The following PCSK2 variants were observed in gnomAD, a reference collection of about 807,000 sequenced individuals.
The protein encoded by PCSK2 is neuroendocrine convertase 2.
A neutral mutation model predicts 69.7 loss-of-function variants in PCSK2; 14 were observed. That is an observed-to-expected ratio of 0.20 (90% confidence interval 0.13 to 0.31). PCSK2 has a LOEUF of 0.31. Among genes scored for constraint, PCSK2 ranks in the 10% least tolerant of loss-of-function variants. PCSK2 has a pLI of 1.00. For missense variants in PCSK2, 544 were observed against 842.5 expected, an observed-to-expected ratio of 0.65 and a Z score of 4.39; for synonymous variants, 307 against 320.7, an observed-to-expected ratio of 0.96 and a Z score of 0.46.
chr20:17,258,624 T>C (rs886463834), intron 1 of PCSK2, among the ~76,000 whole-genome samples: 4 of 152,130 alleles, frequency 2.6e-5, no homozygotes, highest in African/African-American at 9.7e-5. Context: ...ATAAACCCCA[T>C]GACACGTGTT....
chr20:17,327,361 C>T (rs1990089952), intron 2 of PCSK2, among the ~76,000 whole-genome samples: 1 of 152,168 alleles, frequency 6.6e-6, no homozygotes, highest in African/African-American at 2.4e-5. Context: ...TTGGCTCACC[C>T]CTAAGTCCTC....
intron 2 of PCSK2, among the ~76,000 whole-genome samples, chr20:17,324,706 T>G (rs1283374857): frequency 6.6e-6 from 1 of 152,152 alleles, no homozygotes. Context: ...TGTACCCTCC[T>G]GGCCCTCCCG....
intron 2 of PCSK2, among the ~76,000 whole-genome samples, chr20:17,271,648 C>G (rs1409834873): frequency 1.3e-5 from 2 of 152,080 alleles, no homozygotes; most frequent in Non-Finnish European, 2.9e-5. Context: ...TACACACCCT[C>G]TTAAAAGGAG....
chr20:17,252,986 G>A (rs1987044392), intron 1 of PCSK2, among the ~76,000 whole-genome samples: 1 of 152,126 alleles, frequency 6.6e-6, no homozygotes, highest in African/African-American at 2.4e-5. Context: ...TAGAGAATGG[G>A]AAAAAGGATA....
At chr20:17,440,121 C>A (rs186743843) in intron 8 of PCSK2, among the ~76,000 whole-genome samples, 1 of 152,202 alleles carries the variant, frequency 6.6e-6, no homozygotes, top group African/African-American at 2.4e-5. Context: ...GTCCTGCCCC[C>A]CATTGGCTGG....
At chr20:17,398,443 G>A (rs2031562171) in intron 5 of PCSK2, among the ~76,000 whole-genome samples, 1 of 149,190 alleles carries the variant, frequency 6.7e-6, no homozygotes, top group Admixed American at 6.8e-5. Context: ...AAGATCACTT[G>A]AGCCCAGGAG....
intron 2 of PCSK2, among the ~76,000 whole-genome samples, chr20:17,326,325 A>G (rs150271073): frequency 6.6e-6 from 1 of 152,366 alleles, no homozygotes; most frequent in East Asian, 1.9e-4. Flanking sequence ...AAACTGTCAA[A>G]GTCATCAAAA....
At chr20:17,461,007 T>C (rs1227677895) in intron 10 of PCSK2, among the ~76,000 whole-genome samples, 1 of 152,062 alleles carries the variant, frequency 6.6e-6, no homozygotes, top group African/African-American at 2.4e-5. Context: ...GCTTTAAGCA[T>C]TAGGATGCCT....
At chr20:17,344,405 G>C (rs1990591758) in intron 2 of PCSK2, among the ~76,000 whole-genome samples, 1 of 152,110 alleles carries the variant, frequency 6.6e-6, no homozygotes, top group Non-Finnish European at 1.5e-5. Flanking sequence ...GGCAATGCAT[G>C]AAATATGAAC....
chr20:17,315,095 C>T (rs1264975306), intron 2 of PCSK2, among the ~76,000 whole-genome samples: 1 of 152,104 alleles, frequency 6.6e-6, no homozygotes, highest in Admixed American at 6.6e-5. Flanking sequence ...CTGCGGCTTT[C>T]TCTGCGGATT....
chr20:17,247,913 C>T (rs772030092), intron 1 of PCSK2, among the ~76,000 whole-genome samples: 1 of 151,942 alleles, frequency 6.6e-6, no homozygotes, highest in Non-Finnish European at 1.5e-5. Context: ...TAGCTTGGAG[C>T]CATAGTTTTC....
intron 2 of PCSK2, among the ~76,000 whole-genome samples, chr20:17,330,843 C>T (rs913299946): frequency 4.6e-5 from 7 of 152,054 alleles, no homozygotes; most frequent in Non-Finnish European, 1.0e-4. Context: ...ATGGTTACTG[C>T]GGGTCCAGAG....
chr20:17,334,441 G>A (rs1159543954), intron 2 of PCSK2, among the ~76,000 whole-genome samples: 2 of 152,210 alleles, frequency 1.3e-5, no homozygotes, highest in African/African-American at 4.8e-5. Flanking sequence ...ATTCCCACAA[G>A]CCGCATTCTC....
intron 2 of PCSK2, among the ~76,000 whole-genome samples, chr20:17,354,306 C>G (rs891872609): frequency 2.0e-5 from 3 of 152,118 alleles, no homozygotes; most frequent in African/African-American, 7.2e-5. Flanking sequence ...CAGAAGTGAA[C>G]TATACGTTAT....
intron 7 of PCSK2, among the ~76,000 whole-genome samples, chr20:17,435,410 C>CTA (rs2032465071): frequency 6.6e-6 from 1 of 152,160 alleles, no homozygotes; most frequent in Non-Finnish European, 1.5e-5. Context: ...AAGAAGAGGG[C>CTA]TATGAGCACT....
rs1381358723 is a variant in PCSK2, at chr20:17,484,114, C to T, written c.*2044C>T. The T allele has an allele frequency of 1.3e-5, 2 of 152,310 alleles. No individual in the cohort carries two copies. The highest frequency in any genetic ancestry group is 2.9e-5 in the Non-Finnish European group (2 of 67,996). The allele number at this position is 152,310 out of a possible 1,614,324, so 9.4% of individuals were successfully genotyped here. A position where few individuals can be genotyped will look rare whatever the true frequency, so the allele number is the denominator to read the frequency against. On this transcript the variant is annotated 3_prime_UTR_variant, in exon 12 of 12. Transcript: ENST00000262545. ...TGGAAATTCAGGTGAAAATGTTCATCAATTCCCATTGCATCACCTCTGTAA... is the reference window on the plus strand; with the variant it reads ...TGGAAATTCAGGTGAAAATGTTCATTAATTCCCATTGCATCACCTCTGTAA...
intron 1 of PCSK2, among the ~76,000 whole-genome samples, chr20:17,236,860 T>C (rs1256483550): frequency 6.6e-6 from 1 of 152,134 alleles, no homozygotes; most frequent in Non-Finnish European, 1.5e-5. Flanking sequence ...TCACAATTAT[T>C]TCAGAGGATT....
intron 2 of PCSK2, among the ~76,000 whole-genome samples, chr20:17,293,354 A>G (rs999415248): frequency 6.6e-6 from 1 of 152,136 alleles, no homozygotes; most frequent in African/African-American, 2.4e-5. Context: ...TTTGGCTACA[A>G]CCTCCAGACT....
intron 2 of PCSK2, among the ~76,000 whole-genome samples, chr20:17,304,151 G>A (rs1989252399): frequency 6.6e-6 from 1 of 151,890 alleles, no homozygotes; most frequent in Non-Finnish European, 1.5e-5. Context: ...AGGTGGTTTT[G>A]GAGAATTAAT....
Sources: gnomAD v4.1 joint callset for allele counts (sites outside exome capture counted in the v4.1 genomes callset) on GRCh38, gnomAD v4.1.1 for gene constraint, MANE v1.5 for transcripts, NCBI Gene and HGNC (gene_info 2026-07-23, HGNC 2026-07-21) for gene names.